PSMA1: variants seen among roughly 807,000 people sequenced by gnomAD.
The protein encoded by PSMA1 is proteasome subunit alpha type-1.
In PSMA1, 3 loss-of-function variants were observed where a neutral mutation model predicts 38.4. The observed-to-expected ratio is 0.08, with a 90% CI of 0.04 to 0.20. The LOEUF is 0.20. Ranked by LOEUF, PSMA1 falls within the 10% of genes least tolerant of loss-of-function variation. The pLI is 1.00. For missense variants in PSMA1, 227 were observed against 325.3 expected (o/e 0.70, Z 2.32); for synonymous variants, 101 against 107.1 (o/e 0.94, Z 0.35).
At chr11:14,511,409 C>A (rs960922755) in intron 7 of PSMA1, among the ~76,000 whole-genome samples, 69 of 151,678 alleles carry the variant, frequency 4.5e-4, no homozygotes, top group African/African-American at 1.6e-3. Flanking sequence ...CAAAACAAAA[C>A]CCTCAACAAA....
At chr11:14,627,334 G>A (rs942015430) in intron 1 of PSMA1, among the ~76,000 whole-genome samples, 1 of 152,162 alleles carries the variant, frequency 6.6e-6, no homozygotes, top group Non-Finnish European at 1.5e-5. Flanking sequence ...TCCTGCCTCA[G>A]GGTTACTTGA....
At chr11:14,546,393 A>G (rs1315249335) in intron 2 of PSMA1, among the ~76,000 whole-genome samples, 2 of 152,094 alleles carry the variant, frequency 1.3e-5, no homozygotes, top group East Asian at 3.9e-4. Flanking sequence ...TCAGCAGAAG[A>G]CATTACTTTA....
chr11:14,631,862 C>T (rs1343348513), intron 1 of PSMA1, among the ~76,000 whole-genome samples: 1 of 149,994 alleles, frequency 6.7e-6, no homozygotes, highest in South Asian at 2.2e-4. Context: ...GTATTGGGTG[C>T]ATATATATTT....
intron 1 of PSMA1, among the ~76,000 whole-genome samples, chr11:14,612,891 CT>C (rs1410607312): frequency 6.6e-6 from 1 of 151,562 alleles, no homozygotes; most frequent in Non-Finnish European, 1.5e-5. Flanking sequence ...AGGAAGAAAT[CT>C]TTCCATTTAT....
At chr11:14,633,879 A>C (rs373145931) in intron 1 of PSMA1, among the ~76,000 whole-genome samples, 47 of 152,238 alleles carry the variant, frequency 3.1e-4, no homozygotes, top group African/African-American at 1.0e-3. Flanking sequence ...GCGCAGTATT[A>C]GGGTGGGAGT....
At chr11:14,621,654 G>A (rs537340538) in intron 1 of PSMA1, among the ~76,000 whole-genome samples, 1 of 152,258 alleles carries the variant, frequency 6.6e-6, no homozygotes, top group South Asian at 2.1e-4. Flanking sequence ...CTATGAAAGT[G>A]TCTGTTTCTA....
chr11:14,598,764 G>A (rs1324827734), intron 2 of PSMA1, among the ~76,000 whole-genome samples: 1 of 150,850 alleles, frequency 6.6e-6, no homozygotes, highest in Non-Finnish European at 1.5e-5. Context: ...TATGTTATGT[G>A]TGAATTTCAT....
At chr11:14,590,153 A>G (rs1249942727) in intron 2 of PSMA1, among the ~76,000 whole-genome samples, 1 of 152,232 alleles carries the variant, frequency 6.6e-6, no homozygotes, top group Non-Finnish European at 1.5e-5. Flanking sequence ...TCAAACTGAT[A>G]GAGAAAGTAG....
intron 2 of PSMA1, among the ~76,000 whole-genome samples, chr11:14,582,391 G>C (rs999804486): frequency 3.9e-5 from 6 of 151,926 alleles, no homozygotes; most frequent in African/African-American, 1.5e-4. Flanking sequence ...GCAACTGAAG[G>C]CTTCTGAAGC....
intron 2 of PSMA1, among the ~76,000 whole-genome samples, chr11:14,571,229 A>AT (rs1279989644): frequency 6.6e-6 from 1 of 152,044 alleles, no homozygotes; most frequent in Non-Finnish European, 1.5e-5. Flanking sequence ...CGCCCGGCTA[A>AT]TTTTTTGTAT....
At chr11:14,514,285 T>C in intron 5 of PSMA1, 118 bp downstream of exon 5, 1 of 1,390,318 alleles carries the variant, frequency 7.2e-7, no homozygotes. Flanking sequence ...TCCAATTTGT[T>C]GTTTTAAAGT....
chr11:14,639,973 C>G (rs886346400), intron 1 of PSMA1, among the ~76,000 whole-genome samples: 1 of 152,132 alleles, frequency 6.6e-6, no homozygotes, highest in Non-Finnish European at 1.5e-5. Context: ...TAATAGTCTT[C>G]TTACTGTCTT....
At chr11:14,615,842 A>G (rs1241573794) in intron 1 of PSMA1, among the ~76,000 whole-genome samples, 2 of 152,158 alleles carry the variant, frequency 1.3e-5, no homozygotes, top group African/African-American at 4.8e-5. Context: ...ATCTGAATCC[A>G]GGGAAAGAAT....
rs140610789 is a variant in PSMA1, at chr11:14,540,557, G to A, written c.22-21516C>T. Among the ~76,000 whole-genome samples the A allele has an allele frequency of 1.4e-3, 208 of 152,230 alleles. 1 individual carries two copies. The highest frequency in any genetic ancestry group is 4.9e-3 in the African/African-American group (202 of 41,552). ...CCTTACTAAAAGCTGATACCTGATG[G>A]ATTGCAATTGGGTTTTCACACAACA... On this transcript the variant is annotated intron_variant, in intron 2 of 10. Transcript: ENST00000418988.
At chr11:14,560,026 C>A (rs764064219) in intron 2 of PSMA1, among the ~76,000 whole-genome samples, 51 of 152,150 alleles carry the variant, frequency 3.4e-4, no homozygotes, top group Non-Finnish European at 7.1e-4. Context: ...AATACCTGGG[C>A]ATGGACTAGT....
intron 2 of PSMA1, among the ~76,000 whole-genome samples, chr11:14,552,820 CTTTTTTT>C (rs34932699): frequency 8.2e-6 from 1 of 122,028 alleles, no homozygotes; most frequent in Non-Finnish European, 1.7e-5. Context: ...GCTTATATAA[CTTTTTTT>C]TTTTTTTTTT....
intron 1 of PSMA1, among the ~76,000 whole-genome samples, chr11:14,625,264 C>T (rs896774241): frequency 6.6e-6 from 1 of 152,154 alleles, no homozygotes; most frequent in Non-Finnish European, 1.5e-5. Context: ...GTCTGGCCAA[C>T]ATGGTGAAAC....
chr11:14,587,755 C>T (rs1331540804), intron 2 of PSMA1, among the ~76,000 whole-genome samples: 1 of 152,116 alleles, frequency 6.6e-6, no homozygotes, highest in Admixed American at 6.6e-5. Flanking sequence ...ATAACACCTA[C>T]TTCACTGGGT....
Position 14,608,116 on chromosome 11 carries a change from C to T in PSMA1, c.21+2850G>A, listed in dbSNP as rs77430606. 4.7e-3 allele frequency among the ~76,000 whole-genome samples: 717 copies of T among 152,204 alleles called. 32 individuals are homozygous for T. The East Asian group carries it at 0.11, about 23-fold the overall frequency. On this transcript the variant is annotated intron_variant, in intron 2 of 10. Coordinates refer to the PSMA1 transcript ENST00000418988. ...CCTGTAATCCTAGTACTTTGGGAGG[C>T]TGAGGTGGAAGGATCACTGAGGCCA...
Sources: gnomAD v4.1 joint callset for allele counts (sites outside exome capture counted in the v4.1 genomes callset) on GRCh38, gnomAD v4.1.1 for gene constraint, MANE v1.5 for transcripts, NCBI Gene and HGNC (gene_info 2026-07-23, HGNC 2026-07-21) for gene names.